Variants in GRIK2 observed in about 807,000 individuals in gnomAD.
The protein encoded by GRIK2 is glutamate receptor ionotropic, kainate 2.
A neutral mutation model predicts 100.3 loss-of-function variants in GRIK2; 32 were observed. The observed-to-expected ratio is 0.32, with a 90% confidence interval of 0.24 to 0.43. The LOEUF is 0.43. Ranked by LOEUF, GRIK2 falls within the 20% of genes least tolerant of loss-of-function variation. The probability of loss-of-function intolerance (pLI) is 1.00; values close to 1 mark genes in which losing one functional copy is unlikely to be tolerated. For synonymous variants in GRIK2, 417 were observed against 389.4 expected, an observed-to-expected ratio of 1.07 and a Z score of -0.83; for missense variants, 843 against 1,114.9, an observed-to-expected ratio of 0.76 and a Z score of 3.47.
intron 7 of GRIK2, among the ~76,000 whole-genome samples, chr6:101,788,316 G>A (rs922951609): frequency 9.9e-5 from 15 of 151,542 alleles, no homozygotes; most frequent in Non-Finnish European, 1.5e-4. Context: ...CCATTAACTC[G>A]TCATTTAGCA....
chr6:101,599,538 T>C (rs943920066), intron 2 of GRIK2, among the ~76,000 whole-genome samples: 1 of 151,786 alleles, frequency 6.6e-6, no homozygotes, highest in African/African-American at 2.4e-5. Flanking sequence ...CCACCAACAA[T>C]GTATACACGT....
At chr6:101,919,744 A>G (rs902049472) in intron 12 of GRIK2, among the ~76,000 whole-genome samples, 1 of 151,856 alleles carries the variant, frequency 6.6e-6, no homozygotes, top group African/African-American at 2.4e-5. Context: ...GCATGTCAGA[A>G]GTTCAAAGGG....
intron 2 of GRIK2, among the ~76,000 whole-genome samples, chr6:101,404,306 A>G (rs780607816): frequency 4.6e-5 from 7 of 152,258 alleles, no homozygotes. Context: ...ACGATGATGT[A>G]TCATTGATTA....
intron 2 of GRIK2, among the ~76,000 whole-genome samples, chr6:101,577,617 T>C (rs1777850690): frequency 6.6e-6 from 1 of 152,150 alleles, no homozygotes; most frequent in East Asian, 1.9e-4. Flanking sequence ...AGAGTACACA[T>C]AGTGGATCTG....
chr6:101,431,790 G>A (rs1270280543), intron 2 of GRIK2, among the ~76,000 whole-genome samples: 1 of 152,094 alleles, frequency 6.6e-6, no homozygotes, highest in Non-Finnish European at 1.5e-5. Context: ...TTATTAAAGG[G>A]GAGACATTTC....
At chr6:101,874,236 C>T (rs1450114508) in intron 11 of GRIK2, among the ~76,000 whole-genome samples, 2 of 152,018 alleles carry the variant, frequency 1.3e-5, no homozygotes, top group South Asian at 4.2e-4. Context: ...TTAGGTCTAA[C>T]ATTTAAGTCT....
chr6:101,922,470 A>G (rs1027417657), intron 12 of GRIK2, among the ~76,000 whole-genome samples: 1 of 152,222 alleles, frequency 6.6e-6, no homozygotes, highest in African/African-American at 2.4e-5. Context: ...AATAGCTAAT[A>G]TACTTTTAAG....
chr6:101,765,731 T>C (rs1466926302), intron 7 of GRIK2, among the ~76,000 whole-genome samples: 1 of 152,166 alleles, frequency 6.6e-6, no homozygotes, highest in African/African-American at 2.4e-5. Context: ...AAGCGGAAAT[T>C]AATTTTATAA....
At chr6:101,605,856 C>A (rs180793240) in intron 2 of GRIK2, among the ~76,000 whole-genome samples, 1 of 152,012 alleles carries the variant, frequency 6.6e-6, no homozygotes, top group East Asian at 1.9e-4. Flanking sequence ...TTGTAGAGAG[C>A]AACTGATTAA....
intron 2 of GRIK2, among the ~76,000 whole-genome samples, chr6:101,489,790 G>C (rs2518236): frequency 0.54 from 78,682 of 144,750 alleles, 25,709 homozygotes; most frequent in South Asian, 0.73. Context: ...TGAAATCCCA[G>C]CATTAGACAA....
chr6:102,051,271 T>TCCTTCCTC (rs2114491330), intron 15 of GRIK2, among the ~76,000 whole-genome samples: 1 of 144,334 alleles, frequency 6.9e-6, no homozygotes, highest in East Asian at 2.6e-4. Flanking sequence ...CTTCCTTCCT[T>TCCTTCCTC]CCTTCCTTCC....
intron 7 of GRIK2, chr6:101,744,536 A>G (rs1251157819): frequency 1.1e-5 from 1 of 94,734 alleles, no homozygotes; most frequent in African/African-American, 4.1e-5. Context: ...ATATATATAT[A>G]TATATATATA....
At chr6:101,890,120 C>G (rs1290084674) in intron 12 of GRIK2, 1 of 310,668 alleles carries the variant, frequency 3.2e-6, no homozygotes, top group African/African-American at 2.2e-5. Context: ...AATATAAAAG[C>G]TTTTTAAATC....
chr6:101,944,055 G>A (rs184056443), intron 14 of GRIK2, among the ~76,000 whole-genome samples: 27 of 152,084 alleles, frequency 1.8e-4, no homozygotes, highest in Admixed American at 3.9e-4. Flanking sequence ...GTTTAGCACC[G>A]TCCTCCCAAT....
At chr6:101,508,683 G>T (rs1774141991) in intron 2 of GRIK2, among the ~76,000 whole-genome samples, 1 of 152,104 alleles carries the variant, frequency 6.6e-6, no homozygotes, top group African/African-American at 2.4e-5. Context: ...CCTTGGCCTG[G>T]ATAACATTAT....
chr6:101,856,578 A>G (rs1370027395), intron 10 of GRIK2, among the ~76,000 whole-genome samples: 1 of 152,232 alleles, frequency 6.6e-6, no homozygotes, highest in Non-Finnish European at 1.5e-5. Context: ...TTTTAGGAAC[A>G]TAAACATTTA....
rs548414157 is a variant in GRIK2 at position 101,882,384 on chromosome 6, C to T, written c.1525-7256C>T. Among the ~76,000 whole-genome samples, 227 of 152,142 alleles carry T rather than the reference C, an allele frequency of 1.5e-3. 1 individual carries two copies. Among genetic ancestry groups the T allele is most frequent in the Non-Finnish European group, 2.4e-3 (161 of 67,992 alleles). ...AAACTAAAACAATTAATATCCTCCC[C>T]CAAAACTCTAGAAACATTTTAGACC... On this transcript the variant is annotated intron_variant, in intron 11 of 16. Coordinates refer to ENST00000369134, the MANE Select transcript of GRIK2 (RefSeq NM_021956.5).
intron 14 of GRIK2, among the ~76,000 whole-genome samples, chr6:102,013,751 G>A (rs1323731743): frequency 6.6e-6 from 1 of 152,126 alleles, no homozygotes; most frequent in Non-Finnish European, 1.5e-5. Context: ...TGTGTATGCT[G>A]AACCAACCTT....
At chr6:101,803,285 G>A (rs1175042848) in intron 9 of GRIK2, among the ~76,000 whole-genome samples, 3 of 151,694 alleles carry the variant, frequency 2.0e-5, no homozygotes, top group Non-Finnish European at 2.9e-5. Flanking sequence ...TGAGACCTAC[G>A]AAGGGCTTTC....
Sources: gnomAD v4.1 joint callset for allele counts (sites outside exome capture counted in the v4.1 genomes callset) on GRCh38, gnomAD v4.1.1 for gene constraint, MANE v1.5 for transcripts, NCBI Gene and HGNC (gene_info 2026-07-23, HGNC 2026-07-21) for gene names.